The following ALK variants were observed in gnomAD, a reference collection of about 807,000 sequenced individuals.
The protein encoded by ALK is ALK receptor tyrosine kinase.
Under a neutral mutation model 163.1 loss-of-function variants are expected in ALK, and 74 were observed. The ratio of observed to expected loss-of-function variants is 0.45; its 90% CI spans 0.38 to 0.55. ALK has a LOEUF of 0.55. Ranked by LOEUF, ALK falls within the 20% of genes least tolerant of loss-of-function variation. The pLI, the probability that ALK is intolerant of heterozygous loss-of-function variation, is 0.00. For missense variants in ALK, 2,063 were observed against 2,105.3 expected (o/e 0.98, Z 0.39); for synonymous variants, 960 against 843.2 (o/e 1.14, Z -2.40).
intron 1 of ALK, among the ~76,000 whole-genome samples, chr2:29,877,778 G>A (rs1461069077): frequency 1.3e-5 from 2 of 151,846 alleles, no homozygotes; most frequent in Non-Finnish European, 1.5e-5. Flanking sequence ...GGTCTTCAAG[G>A]CAAAAGCGCT....
At chr2:29,391,738 A>G (rs1377508308) in intron 4 of ALK, among the ~76,000 whole-genome samples, 3 of 151,868 alleles carry the variant, frequency 2.0e-5, no homozygotes, top group Non-Finnish European at 4.4e-5. Context: ...TTCAAGAGAA[A>G]TATAATAATT....
chr2:29,578,077 G>A (rs1415084352), intron 3 of ALK, among the ~76,000 whole-genome samples: 3 of 151,718 alleles, frequency 2.0e-5, no homozygotes, highest in African/African-American at 7.2e-5. Flanking sequence ...GAATTCCCAC[G>A]TGTTATGGGA....
intron 3 of ALK, among the ~76,000 whole-genome samples, chr2:29,538,581 A>C (rs992073761): frequency 7.9e-5 from 12 of 152,194 alleles, no homozygotes; most frequent in African/African-American, 2.9e-4. Flanking sequence ...TTTCTTTATA[A>C]GTTACCCAGA....
chr2:29,758,316 G>C (rs1452799261), intron 1 of ALK, among the ~76,000 whole-genome samples: 1 of 152,120 alleles, frequency 6.6e-6, no homozygotes, highest in Non-Finnish European at 1.5e-5. Context: ...GGAGCACTGG[G>C]GGTGGCTGTG....
At position 29,869,939 on chromosome 2, in the gene ALK, T is replaced by C. The variant is rs186617122; in HGVS notation, c.667+50054A>G. 2.0e-5 allele frequency among the ~76,000 whole-genome samples: 3 copies of C among 152,220 alleles called. No individual in the cohort carries two copies. The East Asian group carries it at 5.8e-4, about 29-fold the overall frequency. The stretch of plus-strand genomic sequence containing the variant: ...AATGAGAAAATACAAATGGTAAATA[T>C]CCAACCTGATGGTTATCAAGAATTT... On this transcript the variant is annotated intron_variant, in intron 1 of 28. Coordinates refer to ENST00000389048, the MANE Select transcript of ALK (RefSeq NM_004304.5).
rs374004756 is a variant in ALK at position 29,550,320 on chromosome 2, G to A, written c.953-18204C>T. On this transcript the variant is annotated intron_variant, in intron 3 of 28. Transcript: ENST00000389048. ...CAGCTCAAGATGGTGTAGACTGAGGGGCCCAGAGCCCAGGAGCTCCATGAA... is the reference window on the plus strand; with the variant it reads ...CAGCTCAAGATGGTGTAGACTGAGGAGCCCAGAGCCCAGGAGCTCCATGAA... Among the ~76,000 whole-genome samples, 121 of 151,500 alleles carry A rather than the reference G, an allele frequency of 8.0e-4. 1 individual carries two copies. In the South Asian group the frequency reaches 0.024, roughly 30 times the overall value.
chr2:29,630,995 C>T lies in ALK; in HGVS notation c.952+63855G>A, dbSNP rs542384109. On this transcript the variant is annotated intron_variant, in intron 3 of 28. Transcript: ENST00000389048. ...GCAATTTAAAAACATATATGTGCAACGTATTCAAATAAAAAAGCAAATTCA... is the reference window on the plus strand; with the variant it reads ...GCAATTTAAAAACATATATGTGCAATGTATTCAAATAAAAAAGCAAATTCA... Among the ~76,000 whole-genome samples the T allele has an allele frequency of 1.8e-4, 27 of 152,258 alleles. 2 individuals are homozygous for T. Among genetic ancestry groups the T allele is most frequent in the Admixed American group, 1.1e-3 (17 of 15,288 alleles).
At position 29,251,228 on chromosome 2, in the gene ALK, T is replaced by C; in HGVS notation, c.2081A>G (p.His694Arg). Reference protein sequence around the residue: ...LFTTCGASGPHGPTQAQCNNA... With the variant: ...LFTTCGASGPRGPTQAQCNNA... ...GTTGCACTGTGCCTGGGTGGGGCCA[T>C]GGGGCCCGCTGGCCCCACATGTGGT... Residue 694 changes from histidine to arginine, a missense_variant, in exon 12 of 29, where the codon CAT becomes CGT. His to Arg is a conservative substitution (Grantham distance 29). Transcript: ENST00000389048. 1 of 1,613,968 alleles carries C rather than the reference T, an allele frequency of 6.2e-7. No homozygotes were observed. Among genetic ancestry groups the C allele is most frequent in the Non-Finnish European group, 8.5e-7 (1 of 1,179,962 alleles).
chr2:29,715,891 C>T (rs572424119), intron 2 of ALK, among the ~76,000 whole-genome samples: 1 of 152,310 alleles, frequency 6.6e-6, no homozygotes, highest in East Asian at 1.9e-4. Flanking sequence ...TCTTTCTCTC[C>T]TGCAAGGGCT....
intron 1 of ALK, among the ~76,000 whole-genome samples, chr2:29,774,610 C>T (rs1681120363): frequency 6.6e-6 from 1 of 152,192 alleles, no homozygotes; most frequent in Non-Finnish European, 1.5e-5. Flanking sequence ...ACCTGGGACT[C>T]ACTCAGTTGT....
At position 29,905,787 on chromosome 2, in the gene ALK, G is replaced by C. The variant is rs138099322; in HGVS notation, c.667+14206C>G. On this transcript the variant is annotated intron_variant, in intron 1 of 28. Transcript: ENST00000389048. The stretch of plus-strand genomic sequence containing the variant: ...GGGTCCAAGGGGGCTGGAGCATGAA[G>C]GGAAAGGCAGGATGCGAGGAATGGA... Among the ~76,000 whole-genome samples the C allele has an allele frequency of 6.2e-3, 944 of 152,254 alleles. 12 individuals carry two copies. The highest frequency in any genetic ancestry group is 0.022 in the African/African-American group (900 of 41,548).
At chr2:29,382,828 A>T (rs889097821) in intron 5 of ALK, among the ~76,000 whole-genome samples, 3 of 152,228 alleles carry the variant, frequency 2.0e-5, no homozygotes, top group African/African-American at 7.2e-5. Flanking sequence ...TTCCCCACAC[A>T]TAAACCAGTT....
At chr2:29,471,966 C>A (rs1671356545) in intron 4 of ALK, among the ~76,000 whole-genome samples, 1 of 152,164 alleles carries the variant, frequency 6.6e-6, no homozygotes, top group Non-Finnish European at 1.5e-5. Flanking sequence ...TGGCCTCAAA[C>A]TCCTGACCTC....
intron 3 of ALK, among the ~76,000 whole-genome samples, chr2:29,571,363 G>A (rs748942584): frequency 5.3e-5 from 8 of 152,166 alleles, no homozygotes; most frequent in Non-Finnish European, 7.3e-5. Context: ...ACGTGTCAAG[G>A]GAGGAGGTGA....
At chr2:29,379,817 A>G (rs897684814) in intron 5 of ALK, among the ~76,000 whole-genome samples, 1 of 152,244 alleles carries the variant, frequency 6.6e-6, no homozygotes, top group Non-Finnish European at 1.5e-5. Context: ...AAGAATATAG[A>G]AAGAATAAGA....
At chr2:29,302,730 C>T (rs1666405044) in intron 8 of ALK, among the ~76,000 whole-genome samples, 1 of 152,058 alleles carries the variant, frequency 6.6e-6, no homozygotes, top group Admixed American at 6.6e-5. Flanking sequence ...TATTTTTTGG[C>T]CATTTTTTTT....
chr2:29,743,556 CT>C (rs1680120649), intron 1 of ALK, among the ~76,000 whole-genome samples: 1 of 152,226 alleles, frequency 6.6e-6, no homozygotes, highest in South Asian at 2.1e-4. Flanking sequence ...TAGTGAGCCC[CT>C]GAGGACGGAT....
At chr2:29,728,366 G>A (rs1368194403) in intron 1 of ALK, among the ~76,000 whole-genome samples, 6 of 152,236 alleles carry the variant, frequency 3.9e-5, no homozygotes, top group African/African-American at 1.2e-4. Context: ...CATACTTCCT[G>A]AGTATCTCCT....
chr2:29,730,919 C>A (rs907917476), intron 1 of ALK, among the ~76,000 whole-genome samples: 3 of 152,136 alleles, frequency 2.0e-5, no homozygotes, highest in Admixed American at 6.5e-5. Context: ...ATGAGAAGAG[C>A]AAGATGCACT....
Sources: allele counts gnomAD v4.1 joint callset (sites outside exome capture counted in the v4.1 genomes callset), GRCh38; gene constraint gnomAD v4.1.1; transcripts MANE v1.5; gene names NCBI Gene and HGNC (gene_info 2026-07-23, HGNC 2026-07-21).